The following PLEKHA1 variants were observed in gnomAD, a reference collection of about 807,000 sequenced individuals.
PLEKHA1 encodes the protein pleckstrin homology domain containing A1.
PLEKHA1 carries 34 observed loss-of-function variants against 52.0 expected under a neutral mutation model. The ratio of observed to expected loss-of-function variants is 0.65; its 90% CI spans 0.50 to 0.87. The LOEUF (loss-of-function observed/expected upper bound fraction) is 0.87. Among genes scored for constraint, PLEKHA1 ranks in the 40% least tolerant of loss-of-function variants. The pLI, the probability that PLEKHA1 is intolerant of heterozygous loss-of-function variation, is 0.00. For missense variants in PLEKHA1, 497 were observed against 504.2 expected, an observed-to-expected ratio of 0.99 and a Z score of 0.14; for synonymous variants, 163 against 170.7, an observed-to-expected ratio of 0.95 and a Z score of 0.35.
intron 1 of PLEKHA1, among the ~76,000 whole-genome samples, chr10:122,391,197 T>C (rs952262173): frequency 2.0e-4 from 31 of 152,018 alleles, no homozygotes; most frequent in Middle Eastern, 3.2e-3. Context: ...CCTTGTCAGA[T>C]ATATAGTTTG....
chr10:122,394,691 A>G (rs1452351433), intron 2 of PLEKHA1, among the ~76,000 whole-genome samples: 1 of 152,140 alleles, frequency 6.6e-6, no homozygotes, highest in Non-Finnish European at 1.5e-5. Context: ...GTGTATGTTT[A>G]TTTATGTAGA....
rs185067887 is a variant in PLEKHA1, at chr10:122,413,941, C to T, written c.468+896C>T. ...CCCACATTTTTCAGGTCTTTTGCTA[C>T]GGGAGGGTGATTAGTGGGATTAGAA... is the stretch of plus-strand genomic sequence containing the variant. On this transcript the variant is annotated intron_variant, in intron 6 of 11. Coordinates refer to ENST00000368990, the MANE Select transcript of PLEKHA1 (RefSeq NM_001001974.4). Among the ~76,000 whole-genome samples, 35 of 152,034 alleles carry T rather than the reference C, an allele frequency of 2.3e-4. No individual in the cohort carries two copies. In the East Asian group the frequency reaches 3.5e-3, roughly 15 times the overall value.
rs1264856712 is a variant in PLEKHA1 at position 122,428,717 on chromosome 10, TA to T, written c.901-906del. ...GCATGCATATGCATTGGATAAACTGTACATTACTATAGTTTGCATGGCATTT... is the reference window on the plus strand; with the variant it reads ...GCATGCATATGCATTGGATAAACTGTCATTACTATAGTTTGCATGGCATTT... On this transcript the variant is annotated intron_variant, in intron 11 of 11. Transcript: ENST00000368990. 2.0e-5 allele frequency among the ~76,000 whole-genome samples: 3 copies of T among 152,338 alleles called. No individual in the cohort carries two copies. The South Asian group carries it at 6.2e-4, about 32-fold the overall frequency.
At chr10:122,394,069 CTTT>C (rs796831792) in intron 2 of PLEKHA1, among the ~76,000 whole-genome samples, 14 of 97,242 alleles carry the variant, frequency 1.4e-4, no homozygotes, top group Middle Eastern at 0.014. Flanking sequence ...ACTTTCTCTA[CTTT>C]TTTTTTTTTT....
chr10:122,400,504 T>A, intron 4 of PLEKHA1, 116 bp downstream of exon 4: 1 of 909,556 alleles, frequency 1.1e-6, no homozygotes, highest in Non-Finnish European at 1.6e-6. Flanking sequence ...TATTCTAAAG[T>A]GAATTCCCTT....
intron 5 of PLEKHA1, among the ~76,000 whole-genome samples, chr10:122,408,463 TTA>T (rs1273992297): frequency 6.6e-6 from 1 of 152,210 alleles, no homozygotes; most frequent in Non-Finnish European, 1.5e-5. Flanking sequence ...GTTGAAATTT[TTA>T]TAGTTTTTAA....
the PLEKHA1 span, chr10:122,442,472 A>G: frequency 6.6e-6 from 1 of 152,194 alleles, no homozygotes; most frequent in Non-Finnish European, 1.5e-5. Context: ...CAGTGATTAT[A>G]CTTCCAAGTC....
intron 1 of PLEKHA1, among the ~76,000 whole-genome samples, chr10:122,376,362 G>A (rs1416494452): frequency 6.6e-6 from 1 of 151,762 alleles, no homozygotes; most frequent in Non-Finnish European, 1.5e-5. Flanking sequence ...GAGTATTTAA[G>A]TTTGACAGAA....
chr10:122,415,271 G>A (rs1457313630), intron 6 of PLEKHA1, among the ~76,000 whole-genome samples: 2 of 152,170 alleles, frequency 1.3e-5, no homozygotes, highest in African/African-American at 2.4e-5. Flanking sequence ...TAGTCTTGGA[G>A]AACAGATTAG....
chr10:122,399,118 G>T (rs1471908681), intron 3 of PLEKHA1, among the ~76,000 whole-genome samples: 2 of 151,808 alleles, frequency 1.3e-5, no homozygotes, highest in Non-Finnish European at 2.9e-5. Context: ...AGTTTAAATT[G>T]TGCAGTTTGT....
chr10:122,426,687 G>A (rs566822066), intron 10 of PLEKHA1, among the ~76,000 whole-genome samples: 5 of 152,268 alleles, frequency 3.3e-5, no homozygotes, highest in Non-Finnish European at 5.9e-5. Context: ...CTTGTTTTCT[G>A]TCTGGAGGTA....
At chr10:122,384,872 C>T (rs1353952309) in intron 1 of PLEKHA1, among the ~76,000 whole-genome samples, 1 of 152,102 alleles carries the variant, frequency 6.6e-6, no homozygotes, top group Non-Finnish European at 1.5e-5. Context: ...ATGAGAATTG[C>T]TTGAGCCTGT....
intron 8 of PLEKHA1, chr10:122,423,902 C>G (rs901682396): frequency 3.0e-6 from 1 of 329,532 alleles, no homozygotes; most frequent in Non-Finnish European, 5.3e-6. Flanking sequence ...GTGGGTCCGT[C>G]GGGGAAAGTC....
rs1283008925 is a variant in PLEKHA1, at chr10:122,400,388, G to C, written c.244G>C (p.Val82Leu). Residue 82 changes from valine to leucine, a missense_variant and splice_region_variant, in exon 4 of 12, where the codon GTT (valine) becomes CTT (leucine). By Grantham distance (32) the Val-to-Leu change is conservative. Transcript: ENST00000368990. ...AAGGCCAAAGGCGGAGTTCTGTTTTGGTAAGTAGCCATGTTATATATATTT... is the reference window on the plus strand; with the variant it reads ...AAGGCCAAAGGCGGAGTTCTGTTTTCGTAAGTAGCCATGTTATATATATTT... ...KLRPKAEFCF[V>L]MNAGMRKYFL... The C allele has an allele frequency of 6.2e-7, 1 of 1,605,310 alleles. No individual in the cohort carries two copies. Among genetic ancestry groups the C allele is most frequent in the Non-Finnish European group, 8.5e-7 (1 of 1,176,868 alleles).
At chr10:122,426,815 G>T in intron 10 of PLEKHA1, 127 bp from the exon 11 acceptor site, 3 of 798,340 alleles carry the variant, frequency 3.8e-6, no homozygotes, top group South Asian at 1.9e-5. Context: ...TAAATTTTTT[G>T]GAAACAGTTG....
intron 1 of PLEKHA1, among the ~76,000 whole-genome samples, chr10:122,382,212 ACAAT>A (rs1371717881): frequency 6.6e-6 from 1 of 152,242 alleles, no homozygotes; most frequent in Non-Finnish European, 1.5e-5. Context: ...GGACAACACC[ACAAT>A]CAATTTTAGA....
intron 1 of PLEKHA1, among the ~76,000 whole-genome samples, chr10:122,375,302 G>A (rs968994666): frequency 3.9e-5 from 6 of 152,164 alleles, no homozygotes; most frequent in Non-Finnish European, 7.4e-5. Flanking sequence ...GCGCGTCCCC[G>A]GGCATCCTTT....
chr10:122,439,854 C>T, the PLEKHA1 span: 2 of 152,298 alleles, frequency 1.3e-5, no homozygotes, highest in Admixed American at 1.3e-4. Context: ...CTCCTCATTT[C>T]CTCTATGAGA....
chr10:122,414,259 T>A (rs1425254795), intron 6 of PLEKHA1, among the ~76,000 whole-genome samples: 1 of 152,128 alleles, frequency 6.6e-6, no homozygotes, highest in Non-Finnish European at 1.5e-5. Flanking sequence ...ACTGTATTAG[T>A]TTGTATCTGT....
Sources: allele counts gnomAD v4.1 joint callset (sites outside exome capture counted in the v4.1 genomes callset), GRCh38; gene constraint gnomAD v4.1.1; transcripts MANE v1.5; gene names NCBI Gene and HGNC (gene_info 2026-07-23, HGNC 2026-07-21).